ADGRL3: variants seen among roughly 807,000 people sequenced by gnomAD.
The protein encoded by ADGRL3 is calcium-independent alpha-latrotoxin receptor 3.
Under a neutral mutation model 153.5 loss-of-function variants are expected in ADGRL3, and 62 were observed. That is an observed-to-expected ratio of 0.40 (90% CI 0.33 to 0.50). The LOEUF (loss-of-function observed/expected upper bound fraction) is 0.50, where lower values mean the gene tolerates loss of function less well. Among genes scored for constraint, ADGRL3 ranks in the 20% least tolerant of loss-of-function variants. The probability of loss-of-function intolerance (pLI) is 0.47; values close to 1 mark genes in which losing one functional copy is unlikely to be tolerated. For synonymous variants in ADGRL3, 710 were observed against 672.5 expected (o/e 1.06, Z -0.86); for missense variants, 1,641 against 1,859.4 (o/e 0.88, Z 2.16).
At chr4:61,844,020 GA>G (rs376497386) in intron 9 of ADGRL3, among the ~76,000 whole-genome samples, 23,180 of 119,762 alleles carry the variant, frequency 0.19, 1,891 homozygotes, top group Middle Eastern at 0.22. Flanking sequence ...ACCCTGTCTT[GA>G]AAAAAAAAAA....
At chr4:61,754,895 T>G (rs186178063) in intron 8 of ADGRL3, among the ~76,000 whole-genome samples, 1 of 152,252 alleles carries the variant, frequency 6.6e-6, no homozygotes, top group Non-Finnish European at 1.5e-5. Flanking sequence ...TTGCGATAGT[T>G]TGCTGAGAAT....
At chr4:61,423,678 A>T (rs1025186356) in intron 2 of ADGRL3, among the ~76,000 whole-genome samples, 2 of 152,256 alleles carry the variant, frequency 1.3e-5, no homozygotes, top group East Asian at 3.9e-4. Context: ...AAGAGCTGGG[A>T]TTAGTAGGAG....
At chr4:61,678,622 T>A (rs2095264900) in intron 6 of ADGRL3, among the ~76,000 whole-genome samples, 1 of 151,984 alleles carries the variant, frequency 6.6e-6, no homozygotes. Flanking sequence ...GATTGGCAAT[T>A]TGGTTCCTTA....
intron 21 of ADGRL3, among the ~76,000 whole-genome samples, chr4:62,028,490 C>T (rs1480546647): frequency 6.6e-6 from 1 of 151,676 alleles, no homozygotes; most frequent in Non-Finnish European, 1.5e-5. Flanking sequence ...TGAAATCTGT[C>T]ATTTTAAGCA....
chr4:61,847,059 G>A (rs1311259291), intron 9 of ADGRL3, among the ~76,000 whole-genome samples: 5 of 151,454 alleles, frequency 3.3e-5, no homozygotes, highest in Admixed American at 3.3e-4. Context: ...TCCAGCATTG[G>A]GGATTACAAT....
chr4:62,012,964 TA>T (rs2099193355), intron 21 of ADGRL3, among the ~76,000 whole-genome samples: 1 of 152,034 alleles, frequency 6.6e-6, no homozygotes. Flanking sequence ...GAGGTAAATG[TA>T]AAAACAACAT....
intron 9 of ADGRL3, among the ~76,000 whole-genome samples, chr4:61,853,368 C>T (rs982058748): frequency 6.6e-5 from 10 of 152,304 alleles, no homozygotes; most frequent in Admixed American, 5.2e-4. Flanking sequence ...TAGTATACCA[C>T]AGTCTGACTT....
At chr4:61,742,771 T>G (rs1312886186) in intron 8 of ADGRL3, among the ~76,000 whole-genome samples, 1 of 152,184 alleles carries the variant, frequency 6.6e-6, no homozygotes, top group Admixed American at 6.5e-5. Context: ...TCTACTATAC[T>G]ATATAATTTT....
chr4:61,764,762 T>A (rs545059152), intron 8 of ADGRL3, among the ~76,000 whole-genome samples: 31 of 151,516 alleles, frequency 2.0e-4, no homozygotes, highest in African/African-American at 6.1e-4. Flanking sequence ...GCGGTGAAAA[T>A]TTTTTGGGGG....
At chr4:61,612,878 TA>T (rs2091539477) in intron 5 of ADGRL3, among the ~76,000 whole-genome samples, 1 of 152,142 alleles carries the variant, frequency 6.6e-6, no homozygotes, top group Admixed American at 6.6e-5. Context: ...CTAGTAGGTG[TA>T]ACCCCCAGGG....
rs543716933 is a variant in ADGRL3, at chr4:62,041,370, G to A, written c.3718-3083G>A. Among the ~76,000 whole-genome samples the A allele has an allele frequency of 1.8e-3, 276 of 151,564 alleles. 1 individual carries two copies. Among genetic ancestry groups the A allele is most frequent in the Non-Finnish European group, 3.3e-3 (223 of 67,846 alleles). ...TGAAATAATATCTTTTGACTTTCTC[G>A]TAATTGTTTTGTCATTTATCTTTCA... On this transcript the variant is annotated intron_variant, in intron 24 of 26. Transcript: ENST00000683033.
At chr4:61,445,022 A>G (rs1294451092) in intron 2 of ADGRL3, among the ~76,000 whole-genome samples, 1 of 150,304 alleles carries the variant, frequency 6.7e-6, no homozygotes, top group East Asian at 2.0e-4. Context: ...ACTGCACTCC[A>G]GGCTGGGTGA....
chr4:61,621,222 A>G (rs1277800093), intron 5 of ADGRL3, among the ~76,000 whole-genome samples: 1 of 151,902 alleles, frequency 6.6e-6, no homozygotes, highest in Non-Finnish European at 1.5e-5. Context: ...TTTTATCTGT[A>G]TCCTGTCTCA....
chr4:61,402,734 G>T (rs1462826244), intron 2 of ADGRL3, among the ~76,000 whole-genome samples: 1 of 152,002 alleles, frequency 6.6e-6, no homozygotes, highest in Non-Finnish European at 1.5e-5. Context: ...AGAAAGGCTG[G>T]CAACTGCCAG....
chr4:61,505,310 T>C, intron 3 of ADGRL3, among the ~76,000 whole-genome samples: 1 of 152,208 alleles, frequency 6.6e-6, no homozygotes, highest in East Asian at 1.9e-4. Flanking sequence ...TTTTTTCCTG[T>C]TGAGTTATTA....
chr4:62,007,395 CATATATATATACACGTATATATATAT>C (rs2099164076), intron 21 of ADGRL3, among the ~76,000 whole-genome samples: 3 of 76,458 alleles, frequency 3.9e-5, no homozygotes, highest in Non-Finnish European at 7.5e-5. Flanking sequence ...CACACACACA[CATATATATATACACGTATATATATAT>C]ACACATATAT....
intron 19 of ADGRL3, among the ~76,000 whole-genome samples, chr4:61,991,662 T>C (rs1288709326): frequency 6.6e-6 from 1 of 151,882 alleles, no homozygotes; most frequent in African/African-American, 2.4e-5. Context: ...TAAAAATTCA[T>C]GCACTTGCTT....
intron 8 of ADGRL3, among the ~76,000 whole-genome samples, chr4:61,806,075 A>G (rs1441250033): frequency 6.6e-6 from 1 of 152,096 alleles, no homozygotes; most frequent in Non-Finnish European, 1.5e-5. Context: ...GTGTGTTTTC[A>G]CCAGAAATAC....
chr4:62,010,524 A>G (rs1047458615), intron 21 of ADGRL3, among the ~76,000 whole-genome samples: 1 of 152,150 alleles, frequency 6.6e-6, no homozygotes, highest in Non-Finnish European at 1.5e-5. Flanking sequence ...CTCACCCTAC[A>G]TTATGTCTGG....
Sources: allele counts gnomAD v4.1 joint callset (sites outside exome capture counted in the v4.1 genomes callset), GRCh38; gene constraint gnomAD v4.1.1; transcripts MANE v1.5; gene names NCBI Gene and HGNC (gene_info 2026-07-23, HGNC 2026-07-21).